PCDH9: variants seen among roughly 807,000 people sequenced by gnomAD.
The protein encoded by PCDH9 is protocadherin-9.
PCDH9 carries 24 observed loss-of-function variants against 70.6 expected under a neutral mutation model. The observed-to-expected ratio is 0.34, with a 90% CI of 0.25 to 0.48. The LOEUF is 0.48. Ranked by LOEUF, PCDH9 falls within the 20% of genes least tolerant of loss-of-function variation. PCDH9 has a pLI of 0.99. For synonymous variants in PCDH9, 562 were observed against 558.5 expected (o/e 1.01, Z -0.09); for missense variants, 1,281 against 1,503.6 (o/e 0.85, Z 2.45).
At chr13:66,676,809 A>G (rs920203780) in intron 3 of PCDH9, among the ~76,000 whole-genome samples, 2 of 152,130 alleles carry the variant, frequency 1.3e-5, no homozygotes, top group African/African-American at 4.8e-5. Flanking sequence ...AGTGCAGATC[A>G]TGTGTCTCCT....
At chr13:66,558,264 A>T (rs1234853695) in intron 4 of PCDH9, among the ~76,000 whole-genome samples, 1 of 152,230 alleles carries the variant, frequency 6.6e-6, no homozygotes, top group East Asian at 1.9e-4. Context: ...AAGTATGTTT[A>T]AAAAGACTTT....
chr13:67,051,740 T>C (rs2085329324), intron 2 of PCDH9, among the ~76,000 whole-genome samples: 1 of 152,108 alleles, frequency 6.6e-6, no homozygotes, highest in Admixed American at 6.6e-5. Flanking sequence ...TTCTTCAAAA[T>C]TTTGGCAAGC....
At chr13:66,553,273 A>G (rs1057290526) in intron 4 of PCDH9, among the ~76,000 whole-genome samples, 6 of 152,156 alleles carry the variant, frequency 3.9e-5, no homozygotes. Flanking sequence ...TATCTCCAGC[A>G]CCTAGCTTAT....
chr13:66,990,491 A>G (rs1272651499), intron 2 of PCDH9, among the ~76,000 whole-genome samples: 1 of 150,902 alleles, frequency 6.6e-6, no homozygotes, highest in East Asian at 1.9e-4. Context: ...TCTTTTTTAT[A>G]TGTAAAAGAA....
intron 4 of PCDH9, among the ~76,000 whole-genome samples, chr13:66,442,424 A>G (rs1032616910): frequency 1.3e-5 from 2 of 152,128 alleles, no homozygotes; most frequent in African/African-American, 4.8e-5. Context: ...CCTTTAGTTA[A>G]TCAGTTGGAG....
chr13:66,794,112 T>C lies in PCDH9; in HGVS notation c.3138+109392A>G, dbSNP rs963089289. On this transcript the variant is annotated intron_variant, in intron 3 of 4. Coordinates refer to ENST00000377865, the MANE Select transcript of PCDH9 (RefSeq NM_203487.3). ...GAAGGAATAATTCTCTTTGTTATTTTATTTGTCTTAGAAACAAGAAAGATA... is the reference window on the plus strand; with the variant it reads ...GAAGGAATAATTCTCTTTGTTATTTCATTTGTCTTAGAAACAAGAAAGATA... Among the ~76,000 whole-genome samples the C allele has an allele frequency of 2.0e-5, 3 of 152,182 alleles. No individual in the cohort carries two copies. In the East Asian group the frequency reaches 5.8e-4, roughly 29 times the overall value.
chr13:66,856,482 A>G (rs1025346997), intron 3 of PCDH9, among the ~76,000 whole-genome samples: 5 of 152,110 alleles, frequency 3.3e-5, no homozygotes, highest in African/African-American at 1.2e-4. Flanking sequence ...TTCTGCCTTG[A>G]AAGTATTTTT....
At chr13:66,580,872 T>G (rs1031831321) in intron 4 of PCDH9, among the ~76,000 whole-genome samples, 5 of 152,104 alleles carry the variant, frequency 3.3e-5, no homozygotes, top group African/African-American at 1.2e-4. Flanking sequence ...GAGAACAATC[T>G]GAACAGGAGA....
intron 4 of PCDH9, among the ~76,000 whole-genome samples, chr13:66,476,551 A>G (rs1009009806): frequency 6.6e-6 from 1 of 152,076 alleles, no homozygotes; most frequent in Non-Finnish European, 1.5e-5. Context: ...AATGAGAAAG[A>G]CGAGTATACA....
chr13:66,451,206 C>T (rs568145434), intron 4 of PCDH9, among the ~76,000 whole-genome samples: 3 of 152,116 alleles, frequency 2.0e-5, no homozygotes, highest in African/African-American at 7.2e-5. Flanking sequence ...ATTTCCAATG[C>T]CAGGTATATG....
At chr13:66,444,514 T>G (rs536768562) in intron 4 of PCDH9, among the ~76,000 whole-genome samples, 1 of 152,018 alleles carries the variant, frequency 6.6e-6, no homozygotes, top group Admixed American at 6.6e-5. Context: ...GCAAAGAGCA[T>G]TAGAGAGGAG....
At chr13:66,957,300 A>C (rs1394255981) in intron 2 of PCDH9, among the ~76,000 whole-genome samples, 2 of 151,604 alleles carry the variant, frequency 1.3e-5, no homozygotes, top group African/African-American at 4.8e-5. Flanking sequence ...TTTTTTTTTT[A>C]CACTTACTTT....
At chr13:67,034,417 C>A (rs545668134) in intron 2 of PCDH9, among the ~76,000 whole-genome samples, 63 of 152,284 alleles carry the variant, frequency 4.1e-4, no homozygotes, top group African/African-American at 1.5e-3. Flanking sequence ...ATTTACCATA[C>A]TGATCATGCC....
chr13:66,358,966 A>G (rs969582634), intron 4 of PCDH9, among the ~76,000 whole-genome samples: 12 of 152,082 alleles, frequency 7.9e-5, no homozygotes, highest in Admixed American at 7.9e-4. Flanking sequence ...TCATCCAAAA[A>G]TAGTCACAAA....
intron 4 of PCDH9, among the ~76,000 whole-genome samples, chr13:66,463,291 AG>A (rs1417708346): frequency 3.3e-5 from 5 of 151,822 alleles, no homozygotes; most frequent in African/African-American, 1.2e-4. Flanking sequence ...TGAGAGTCAA[AG>A]GTCTCCCTTT....
Position 66,784,059 on chromosome 13 carries a change from G to A in PCDH9, c.3138+119445C>T, listed in dbSNP as rs546294253. Reference sequence around the variant, plus strand: ...CATCAACTTCATTAAGGAAAAAATAGCCATATAAAAATTATTTAGCATAGA... The same window carrying A: ...CATCAACTTCATTAAGGAAAAAATAACCATATAAAAATTATTTAGCATAGA... On this transcript the variant is annotated intron_variant, in intron 3 of 4. Coordinates refer to ENST00000377865, the MANE Select transcript of PCDH9 (RefSeq NM_203487.3). 2.0e-5 allele frequency among the ~76,000 whole-genome samples: 3 copies of A among 152,170 alleles called. No homozygotes were observed. The South Asian group carries it at 6.2e-4, about 32-fold the overall frequency.
At position 66,388,002 on chromosome 13, in the gene PCDH9, G is replaced by GTTATTATT. The variant is rs540822185; in HGVS notation, c.3341-82982_3341-82975dup. Among the ~76,000 whole-genome samples the GTTATTATT allele has an allele frequency of 6.0e-4, 91 of 152,274 alleles. 1 individual carries two copies. The East Asian group carries it at 0.016, about 27-fold the overall frequency. ...TTCGGCAGTTTTTAAAAGTCAGCTTGTTATTATTTGGATGTCAGTCAAATC... is the reference window on the plus strand; with the variant it reads ...TTCGGCAGTTTTTAAAAGTCAGCTTGTTATTATTTTATTATTTGGATGTCAGTCAAATC... On this transcript the variant is annotated intron_variant, in intron 4 of 4. Transcript: ENST00000377865.
At chr13:67,140,955 C>G (rs1163336842) in intron 2 of PCDH9, among the ~76,000 whole-genome samples, 1 of 152,010 alleles carries the variant, frequency 6.6e-6, no homozygotes, top group Non-Finnish European at 1.5e-5. Context: ...CTTTTTCCCC[C>G]TCATTTTTTT....
chr13:66,948,762 A>C (rs2083131054), intron 2 of PCDH9, among the ~76,000 whole-genome samples: 1 of 152,168 alleles, frequency 6.6e-6, no homozygotes, highest in Admixed American at 6.6e-5. Context: ...GACTGTCTAA[A>C]TGAAGACCAA....
Sources: allele counts gnomAD v4.1 joint callset (sites outside exome capture counted in the v4.1 genomes callset), GRCh38; gene constraint gnomAD v4.1.1; transcripts MANE v1.5; gene names NCBI Gene and HGNC (gene_info 2026-07-23, HGNC 2026-07-21).